RASAL2: variants seen among roughly 807,000 people sequenced by gnomAD.
RASAL2 encodes the protein RAS protein activator like 2, also known as ras GTPase-activating protein nGAP.
Under a neutral mutation model 128.9 loss-of-function variants are expected in RASAL2, and 58 were observed. That is an observed-to-expected ratio of 0.45 (90% confidence interval 0.36 to 0.56). The LOEUF is 0.56. Among genes scored for constraint, RASAL2 ranks in the 20% least tolerant of loss-of-function variants. The pLI, the probability that RASAL2 is intolerant of heterozygous loss-of-function variation, is 0.00. For missense variants in RASAL2, 1,360 were observed against 1,601.6 expected, an observed-to-expected ratio of 0.85 and a Z score of 2.57; for synonymous variants, 561 against 580.8, an observed-to-expected ratio of 0.97 and a Z score of 0.49.
chr1:178,389,045 G>A (rs1351812471), intron 3 of RASAL2, among the ~76,000 whole-genome samples: 3 of 152,190 alleles, frequency 2.0e-5, no homozygotes, highest in East Asian at 1.9e-4. Flanking sequence ...GAAGTAGCAC[G>A]GATCCCAGGG....
intron 3 of RASAL2, 40 bp from the exon 4 acceptor site, chr1:178,390,060 G>A: frequency 7.5e-7 from 1 of 1,333,196 alleles, no homozygotes; most frequent in Non-Finnish European, 1.1e-6. Flanking sequence ...CCTAAATTTG[G>A]GGTTCTTAAT....
At chr1:178,242,289 C>T (rs1439737693) in intron 1 of RASAL2, among the ~76,000 whole-genome samples, 2 of 152,086 alleles carry the variant, frequency 1.3e-5, no homozygotes, top group African/African-American at 2.4e-5. Flanking sequence ...GATACTTACA[C>T]GTTCCCATAT....
intron 3 of RASAL2, among the ~76,000 whole-genome samples, chr1:178,373,559 T>C (rs1671838214): frequency 6.6e-6 from 1 of 151,982 alleles, no homozygotes; most frequent in Non-Finnish European, 1.5e-5. Context: ...ACCAATCACT[T>C]AGACTCTACT....
chr1:178,181,388 C>T (rs1268573271), intron 1 of RASAL2, among the ~76,000 whole-genome samples: 1 of 150,450 alleles, frequency 6.6e-6, no homozygotes, highest in Non-Finnish European at 1.5e-5. Flanking sequence ...GGCAGTGTCT[C>T]ACTCTGTCAC....
At chr1:178,164,929 GA>G (rs977842136) in intron 1 of RASAL2, among the ~76,000 whole-genome samples, 7 of 148,208 alleles carry the variant, frequency 4.7e-5, no homozygotes, top group African/African-American at 1.7e-4. Context: ...GTATGTATTG[GA>G]AAAAAACAAT....
chr1:178,288,793 GGCATGC>G (rs1667150009), intron 2 of RASAL2, among the ~76,000 whole-genome samples: 1 of 151,560 alleles, frequency 6.6e-6, no homozygotes, highest in Non-Finnish European at 1.5e-5. Flanking sequence ...TGGAATTACA[GGCATGC>G]GCCACCATGC....
Position 178,478,463 on chromosome 1 carries a change from G to A in RASAL2, c.*5224G>A, listed in dbSNP as rs1206536136. On this transcript the variant is annotated 3_prime_UTR_variant, in exon 18 of 18. Transcript: ENST00000367649. Reference sequence around the variant, plus strand: ...AGCAGACAGCAGCACATTAACCTGAGTTACACCTGTGAGGAAATGACCTTC... The same window carrying A: ...AGCAGACAGCAGCACATTAACCTGAATTACACCTGTGAGGAAATGACCTTC... The A allele has an allele frequency of 1.3e-5, 2 of 152,280 alleles. No individual in the cohort carries two copies. The highest frequency in any genetic ancestry group is 1.3e-4 in the Admixed American group (2 of 15,300). 9.4% of individuals were successfully genotyped at this position (152,280 alleles called of 1,614,324 possible). A position where few individuals can be genotyped will look rare whatever the true frequency, so the allele number is the denominator to read the frequency against.
chr1:178,475,429 A>C lies in RASAL2; in HGVS notation c.*2190A>C, dbSNP rs1648603767. On this transcript the variant is annotated 3_prime_UTR_variant, in exon 18 of 18. Coordinates refer to ENST00000367649, the MANE Select transcript of RASAL2 (RefSeq NM_170692.4). ...TGAAGGAGGAGGGATGTAAGCATAG[A>C]TTTGTTCTTGTTTCTGGCTATTCTC... 6.6e-6 allele frequency: 1 copy of C among 152,174 alleles called. No individual in the cohort carries two copies. Among genetic ancestry groups the C allele is most frequent in the African/African-American group, 2.4e-5 (1 of 41,444 alleles). 9.4% of individuals were successfully genotyped at this position (152,174 alleles called of 1,614,324 possible). A position where few individuals can be genotyped will look rare whatever the true frequency, so the allele number is the denominator to read the frequency against.
At chr1:178,185,228 C>T (rs952260616) in intron 1 of RASAL2, among the ~76,000 whole-genome samples, 12 of 151,158 alleles carry the variant, frequency 7.9e-5, no homozygotes, top group Non-Finnish European at 7.4e-5. Flanking sequence ...TTTTTGGTTC[C>T]GAGAGGTTTT....
intron 1 of RASAL2, among the ~76,000 whole-genome samples, chr1:178,124,266 A>G (rs1038082009): frequency 1.4e-4 from 22 of 152,196 alleles, no homozygotes; most frequent in African/African-American, 5.3e-4. Flanking sequence ...GCCTAGGGGA[A>G]TTTTGCCCTC....
chr1:178,100,776 G>A (rs567384043), intron 1 of RASAL2, among the ~76,000 whole-genome samples: 1 of 152,230 alleles, frequency 6.6e-6, no homozygotes, highest in Non-Finnish European at 1.5e-5. Context: ...AAAGTGATTT[G>A]ATCACCTTTT....
intron 5 of RASAL2, among the ~76,000 whole-genome samples, chr1:178,434,908 G>A (rs1676156329): frequency 6.6e-6 from 1 of 152,014 alleles, no homozygotes; most frequent in Admixed American, 6.6e-5. Context: ...TTTTCCCAAA[G>A]TGAAAGCTCA....
intron 3 of RASAL2, among the ~76,000 whole-genome samples, chr1:178,342,650 A>AT (rs1367937649): frequency 6.6e-6 from 1 of 152,182 alleles, no homozygotes; most frequent in East Asian, 1.9e-4. Flanking sequence ...TAGGACATCA[A>AT]TTTTCTGTAT....
At chr1:178,280,695 CA>C (rs1666742172) in intron 1 of RASAL2, among the ~76,000 whole-genome samples, 1 of 152,078 alleles carries the variant, frequency 6.6e-6, no homozygotes, top group African/African-American at 2.4e-5. Context: ...ATGAGGCCAG[CA>C]TTCATTGTCC....
intron 4 of RASAL2, among the ~76,000 whole-genome samples, chr1:178,395,766 G>C (rs901683222): frequency 2.9e-4 from 25 of 85,632 alleles, no homozygotes; most frequent in Non-Finnish European, 4.0e-4. Flanking sequence ...CTCTTTTAAT[G>C]AACAGTATAT....
intron 3 of RASAL2, among the ~76,000 whole-genome samples, chr1:178,327,854 T>C (rs944538583): frequency 6.6e-6 from 1 of 151,994 alleles, no homozygotes; most frequent in African/African-American, 2.4e-5. Context: ...AATTTCCTCA[T>C]AAGAGACAGA....
intron 2 of RASAL2, among the ~76,000 whole-genome samples, chr1:178,288,880 ACCT>A (rs1195622695): frequency 1.3e-5 from 2 of 151,362 alleles, no homozygotes; most frequent in Non-Finnish European, 2.9e-5. Context: ...CGAACTCCTC[ACCT>A]CAGGTGATCC....
chr1:178,185,883 G>A (rs1462287509), intron 1 of RASAL2, among the ~76,000 whole-genome samples: 1 of 152,028 alleles, frequency 6.6e-6, no homozygotes, highest in East Asian at 1.9e-4. Flanking sequence ...TTGGTATTAG[G>A]ATAATGCTGG....
intron 1 of RASAL2, among the ~76,000 whole-genome samples, chr1:178,163,199 C>T (rs1256868430): frequency 6.6e-6 from 1 of 151,852 alleles, no homozygotes; most frequent in African/African-American, 2.4e-5. Flanking sequence ...AACTCCTGAC[C>T]TCATTATCTG....
Sources: allele counts gnomAD v4.1 joint callset (sites outside exome capture counted in the v4.1 genomes callset), GRCh38; gene constraint gnomAD v4.1.1; transcripts MANE v1.5; gene names NCBI Gene and HGNC (gene_info 2026-07-23, HGNC 2026-07-21).